Variants in GPR4 observed in about 807,000 individuals in gnomAD.
GPR4 encodes G protein-coupled receptor 4.
A neutral mutation model predicts 17.8 loss-of-function variants in GPR4; 11 were observed. The ratio of observed to expected loss-of-function variants is 0.62; its 90% CI spans 0.39 to 1.02. The LOEUF (loss-of-function observed/expected upper bound fraction) is 1.02, where lower values mean the gene tolerates loss of function less well. Ranked by LOEUF, GPR4 falls within the 50% of genes least tolerant of loss-of-function variation. The probability of loss-of-function intolerance (pLI) is 0.00; values close to 1 mark genes in which losing one functional copy is unlikely to be tolerated. For missense variants in GPR4, 364 were observed against 495.4 expected (o/e 0.73, Z 2.52); for synonymous variants, 219 against 222.8 (o/e 0.98, Z 0.15).
At chr19:45,600,375 C>T (rs895484438) in intron 1 of GPR4, among the ~76,000 whole-genome samples, 1 of 152,052 alleles carries the variant, frequency 6.6e-6, no homozygotes, top group African/African-American at 2.4e-5. Context: ...ATCCCGGTTC[C>T]CCTCCACCTC....
At chr19:45,597,892 G>A (rs953598813) in intron 1 of GPR4, among the ~76,000 whole-genome samples, 4 of 151,992 alleles carry the variant, frequency 2.6e-5, no homozygotes, top group Non-Finnish European at 5.9e-5. Flanking sequence ...GCCCCCTGTG[G>A]GGTCCTCAGC....
chr19:45,591,532 G>A lies in GPR4; in HGVS notation c.335C>T (p.Ser112Leu), dbSNP rs1969995316. ...GGCCACAGCCAGGTAGCGGTCCACC[G>A]AGATGCAGCACAGGAAGGCGATGCT... The part of the protein sequence containing the change: ...YISIAFLCCI[S>L]VDRYLAVAHP... The change falls in exon 2 of 2, where the codon TCG becomes TTG. Residue 112 changes from serine to leucine, a missense_variant. By Grantham distance (145) the Ser-to-Leu change is moderately radical. Coordinates refer to ENST00000323040, the MANE Select transcript of GPR4 (RefSeq NM_005282.3). This position sits in a 1 kb window ranked among gnomAD's most constrained non-coding sequence, Gnocchi z 7.6. The A allele has an allele frequency of 1.2e-6, 2 of 1,613,828 alleles. No individual in the cohort carries two copies. Among genetic ancestry groups the A allele is most frequent in the Non-Finnish European group, 8.5e-7 (1 of 1,179,974 alleles).
At position 45,591,781 on chromosome 19, in the gene GPR4, C is replaced by G. The variant is rs1318699174; in HGVS notation, c.86G>C (p.Gly29Ala). ...CAGGCAGTTGGTGGGCAGCCCCACG[C>G]CGATGACAAAGATGTAGAGGGATGG... ...FPPSLYIFVI[G>A]VGLPTNCLAL... Residue 29 changes from glycine to alanine, a missense_variant, in exon 2 of 2, where the codon GGC (glycine) becomes GCC (alanine). Coordinates refer to ENST00000323040, the MANE Select transcript of GPR4 (RefSeq NM_005282.3). The surrounding 1 kb of genome is among the most constrained non-coding windows in gnomAD (Gnocchi z 7.6). 6.2e-7 allele frequency: 1 copy of G among 1,612,914 alleles called. No homozygotes were observed.
Position 45,591,949 on chromosome 19 carries a change from CT to C in GPR4, c.-84del. On this transcript the variant is annotated 5_prime_UTR_variant, in exon 2 of 2. Coordinates refer to ENST00000323040, the MANE Select transcript of GPR4 (RefSeq NM_005282.3). The surrounding 1 kb of genome is among the most constrained non-coding windows in gnomAD (Gnocchi z 7.6). The stretch of plus-strand genomic sequence containing the variant: ...AGGGAGCGGGAGGCCATGGGGCCCC[CT>C]GAGCCCCTTCCTTGGAGGCTCAGGG... 1 of 1,441,372 alleles carries C rather than the reference CT, an allele frequency of 6.9e-7. No individual in the cohort carries two copies. The highest frequency in any genetic ancestry group is 9.3e-7 in the Non-Finnish European group (1 of 1,075,114). The allele number at this position is 1,441,372 out of a possible 1,614,324, so 89.3% of individuals were successfully genotyped here.
chr19:45,600,426 C>T (rs1179392607), intron 1 of GPR4, among the ~76,000 whole-genome samples: 1 of 152,112 alleles, frequency 6.6e-6, no homozygotes, highest in Non-Finnish European at 1.5e-5. Flanking sequence ...CCACCCAAAC[C>T]AACTATTGCC....
At chr19:45,593,526 GAAAA>G (rs149403242) in intron 1 of GPR4, among the ~76,000 whole-genome samples, 2 of 138,868 alleles carry the variant, frequency 1.4e-5, no homozygotes, top group Non-Finnish European at 3.1e-5. Flanking sequence ...AGAAAAAAAA[GAAAA>G]AAAAAAGGAA....
intron 1 of GPR4, among the ~76,000 whole-genome samples, chr19:45,597,570 C>G (rs1446682596): frequency 6.6e-6 from 1 of 152,178 alleles, no homozygotes; most frequent in Non-Finnish European, 1.5e-5. Flanking sequence ...CCAGGACAGG[C>G]CCAGCATACA....
chr19:45,598,617 G>A (rs1319933219), intron 1 of GPR4, among the ~76,000 whole-genome samples: 1 of 152,084 alleles, frequency 6.6e-6, no homozygotes, highest in Non-Finnish European at 1.5e-5. Context: ...GCCCAACGTG[G>A]AAACCCCAAA....
chr19:45,598,275 T>G (rs1214580250), intron 1 of GPR4, among the ~76,000 whole-genome samples: 3 of 152,064 alleles, frequency 2.0e-5, no homozygotes, highest in Non-Finnish European at 4.4e-5. Context: ...ACGATTATTA[T>G]TATTCCACGG....
intron 1 of GPR4, among the ~76,000 whole-genome samples, chr19:45,594,067 T>A (rs10419587): frequency 0.027 from 1,402 of 51,562 alleles, 15 homozygotes; most frequent in Non-Finnish European, 0.037. Flanking sequence ...AAAAAAAATA[T>A]ATATATATAT....
intron 1 of GPR4, among the ~76,000 whole-genome samples, chr19:45,597,542 C>T (rs898292498): frequency 5.3e-5 from 8 of 152,324 alleles, no homozygotes; most frequent in South Asian, 2.1e-4. Flanking sequence ...GCCTTGTTGA[C>T]TGCTGTATCC....
At chr19:45,598,111 CT>C (rs1970076462) in intron 1 of GPR4, among the ~76,000 whole-genome samples, 2 of 152,120 alleles carry the variant, frequency 1.3e-5, no homozygotes, top group African/African-American at 2.4e-5. Context: ...CCCCTAGTCT[CT>C]CCCTTCCTCC....
intron 1 of GPR4, among the ~76,000 whole-genome samples, chr19:45,595,911 G>A (rs1970053487): frequency 6.6e-6 from 1 of 152,160 alleles, no homozygotes; most frequent in Non-Finnish European, 1.5e-5. Flanking sequence ...GGAGTCTATT[G>A]ACAAATGAGG....
At chr19:45,592,775 C>G (rs1970011900) in intron 1 of GPR4, 78 bp from the exon 2 acceptor site, 1 of 163,598 alleles carries the variant, frequency 6.1e-6, no homozygotes, top group Non-Finnish European at 1.5e-5. Context: ...ACCATAATTG[C>G]TGTGAACTGC....
At chr19:45,595,323 T>A (rs866218436) in intron 1 of GPR4, among the ~76,000 whole-genome samples, 25 of 143,992 alleles carry the variant, frequency 1.7e-4, no homozygotes, top group South Asian at 9.4e-4. Context: ...AAATAAAAAA[T>A]AACTGGACAG....
At chr19:45,598,460 T>C (rs993346811) in intron 1 of GPR4, among the ~76,000 whole-genome samples, 10 of 151,858 alleles carry the variant, frequency 6.6e-5, no homozygotes, top group African/African-American at 2.2e-4. Flanking sequence ...ACACTTCCCA[T>C]TGCTAATTTC....
chr19:45,596,406 T>TG (rs753566585), intron 1 of GPR4, among the ~76,000 whole-genome samples: 13 of 152,140 alleles, frequency 8.5e-5, no homozygotes, highest in Non-Finnish European at 1.8e-4. Flanking sequence ...GGTTTCTCCA[T>TG]GTTGGTGAGG....
At chr19:45,597,100 A>T (rs562840330) in intron 1 of GPR4, among the ~76,000 whole-genome samples, 2 of 150,014 alleles carry the variant, frequency 1.3e-5, no homozygotes, top group African/African-American at 4.9e-5. Context: ...ACAGAATCTT[A>T]CTCTGTCGCC....
intron 1 of GPR4, among the ~76,000 whole-genome samples, chr19:45,595,916 A>G (rs1404188138): frequency 1.3e-5 from 2 of 152,138 alleles, no homozygotes; most frequent in African/African-American, 4.8e-5. Context: ...CTATTGACAA[A>G]TGAGGAAACC....
Sources: allele counts gnomAD v4.1 joint callset (sites outside exome capture counted in the v4.1 genomes callset), GRCh38; gene constraint gnomAD v4.1.1; non-coding constraint Gnocchi (gnomAD v3.1); transcripts MANE v1.5; gene names NCBI Gene and HGNC (gene_info 2026-07-23, HGNC 2026-07-21).